Variants in PRRC2A observed in about 807,000 individuals in gnomAD.
PRRC2A encodes the protein proline rich coiled-coil 2A, also known as protein PRRC2A.
Under a neutral mutation model 224.6 loss-of-function variants are expected in PRRC2A, and 59 were observed. The observed-to-expected ratio is 0.26, with a 90% CI of 0.21 to 0.33. The LOEUF (loss-of-function observed/expected upper bound fraction) is 0.33. Ranked by LOEUF, PRRC2A falls within the 10% of genes least tolerant of loss-of-function variation. PRRC2A has a pLI of 1.00. For missense variants in PRRC2A, 3,095 were observed against 2,880.7 expected, an observed-to-expected ratio of 1.07 and a Z score of -1.70; for synonymous variants, 1,194 against 1,109.5, an observed-to-expected ratio of 1.08 and a Z score of -1.51.
At position 31,622,737 on chromosome 6, in the gene PRRC2A, G is replaced by A; in HGVS notation, c.-53G>A. ...CTGTCTGGCCCACAGGCTCTGGCAC[G>A]TTTTGGGGGAGGTGCCTGCAGGACC... is the stretch of plus-strand genomic sequence containing the variant. On this transcript the variant is annotated 5_prime_UTR_variant, in exon 2 of 31. Transcript: ENST00000376033. 5.0e-6 allele frequency: 7 copies of A among 1,408,934 alleles called. No homozygotes were observed. Among genetic ancestry groups the A allele is most frequent in the Admixed American group, 1.8e-5 (1 of 55,594 alleles). The allele number at this position is 1,408,934 out of a possible 1,614,324, so 87.3% of individuals were successfully genotyped here. A position where few individuals can be genotyped will look rare whatever the true frequency, so the allele number is the denominator to read the frequency against.
In PRRC2A at chr6:31,624,351, A is replaced by T; in HGVS notation, c.381A>T (p.Ala127=). ...CCAACCAGCCGAAACGACCCCCAGC[A>T]GCCCCCGAGGTACCTGGAGAACTGG... ...PASNQPKRPP[A]APENTPLVPS... Residue 127 remains alanine (A), a synonymous_variant, in exon 4 of 31, where the codon GCA becomes GCT. Coordinates refer to ENST00000376033, the MANE Select transcript of PRRC2A (RefSeq NM_004638.4). The T allele has an allele frequency of 6.2e-7, 1 of 1,613,994 alleles. No homozygotes were observed. The highest frequency in any genetic ancestry group is 1.1e-5 in the South Asian group (1 of 91,080).
intron 12 of PRRC2A, 132 bp downstream of exon 12, chr6:31,628,371 GTGTT>G: frequency 1.4e-6 from 2 of 1,389,436 alleles, no homozygotes; most frequent in Non-Finnish European, 1.9e-6. Context: ...ATCAGTGATA[GTGTT>G]CTATCATTTG....
chr6:31,629,932 G>C (rs1413283838), intron 14 of PRRC2A, 87 bp downstream of exon 14: 6 of 1,558,284 alleles, frequency 3.9e-6, no homozygotes, highest in Admixed American at 1.9e-5. Flanking sequence ...ACTCTGGTAC[G>C]ATAGGTTTTG....
rs1561821360 is a variant in PRRC2A, at chr6:31,631,593, GAAACCCCC to G, written c.2932_2939del (p.Pro978AlafsTer36). The G allele has an allele frequency of 6.4e-7, 1 of 1,558,006 alleles. No homozygotes were observed. The highest frequency in any genetic ancestry group is 8.6e-7 in the Non-Finnish European group (1 of 1,156,960). On this transcript the variant is annotated frameshift_variant, in exon 16 of 31. Transcript: ENST00000376033. LOFTEE classifies it high-confidence loss of function. The surrounding 1 kb of genome is among the most constrained non-coding windows in gnomAD (Gnocchi z 4.5). ...TCCCAAGCCCCTCGAACAGGGGGAT[GAAACCCCC>G]AAACCCCCAAAGCCAGACCCACTCA...
intron 14 of PRRC2A, 103 bp from the exon 15 acceptor site, chr6:31,630,488 C>A: frequency 8.5e-7 from 1 of 1,175,826 alleles, no homozygotes; most frequent in Non-Finnish European, 1.2e-6. Context: ...CTACTGGGAA[C>A]AAGAGATGGA....
rs1777445869 is a variant in PRRC2A at position 31,637,054 on chromosome 6, G to A, written c.6160G>A (p.Glu2054Lys). ...TTTTTCCCCTCAGCTGCATCCAGTG[G>A]AACTAAAGCCGTTCCAGGATTATCA... ...SLGRAELHPV[E>K]LKPFQDYQKL... Residue 2054 changes from glutamate (E) to lysine (K), a missense_variant, in exon 29 of 31, where the codon GAA becomes AAA. Coordinates refer to ENST00000376033, the MANE Select transcript of PRRC2A (RefSeq NM_004638.4). 2 of 1,605,756 alleles carry A rather than the reference G, an allele frequency of 1.2e-6. No homozygotes were observed. The highest frequency in any genetic ancestry group is 8.5e-7 in the Non-Finnish European group (1 of 1,176,374).
At chr6:31,630,039 A>G (rs1023463780) in intron 14 of PRRC2A, among the ~76,000 whole-genome samples, 194 bp downstream of exon 14, 1 of 152,212 alleles carries the variant, frequency 6.6e-6, no homozygotes, top group African/African-American at 2.4e-5. Context: ...GTGGTTGGCC[A>G]GGCATTGTGG....
At position 31,624,348 on chromosome 6, in the gene PRRC2A, A is replaced by G; in HGVS notation, c.378A>G (p.Pro126=). 1 of 1,613,944 alleles carries G rather than the reference A, an allele frequency of 6.2e-7. No individual in the cohort carries two copies. The highest frequency in any genetic ancestry group is 8.5e-7 in the Non-Finnish European group (1 of 1,179,912). Residue 126 remains proline, a synonymous_variant, in exon 4 of 31, where the codon CCA becomes CCG. Coordinates refer to ENST00000376033, the MANE Select transcript of PRRC2A (RefSeq NM_004638.4). ...CCTCCAACCAGCCGAAACGACCCCCAGCAGCCCCCGAGGTACCTGGAGAAC... is the reference window on the plus strand; with the variant it reads ...CCTCCAACCAGCCGAAACGACCCCCGGCAGCCCCCGAGGTACCTGGAGAAC... ...TPASNQPKRP[P]AAPENTPLVP...
At chr6:31,626,265 T>C in intron 9 of PRRC2A, 103 bp downstream of exon 9, 2 of 1,380,644 alleles carry the variant, frequency 1.4e-6, no homozygotes, top group Non-Finnish European at 9.9e-7. Flanking sequence ...CATTGAAGTG[T>C]AGGAAGACCA....
In PRRC2A at chr6:31,629,210, C is replaced by A; in HGVS notation, c.1832C>A (p.Pro611His). 1 of 1,614,140 alleles carries A rather than the reference C, an allele frequency of 6.2e-7. No homozygotes were observed. Among genetic ancestry groups the A allele is most frequent in the Non-Finnish European group, 8.5e-7 (1 of 1,180,020 alleles). The stretch of plus-strand genomic sequence containing the variant: ...GAAGAGGTTCCTCCTCCTACCACAC[C>A]CCCAGTTCCAAAGGTGGAACCCAAG... ...PPEEVPPPTT[P>H]PVPKVEPKGD... Residue 611 changes from proline to histidine, a missense_variant, in exon 13 of 31, where the codon CCC (proline) becomes CAC (histidine). Physicochemically the swap from Pro to His is moderately conservative, Grantham distance 77 (BLOSUM62 -2). Coordinates refer to ENST00000376033, the MANE Select transcript of PRRC2A (RefSeq NM_004638.4).
Position 31,625,103 on chromosome 6 carries a change from C to CG in PRRC2A, c.464-68_464-67insG. ...GTGAGCCACCGCGCCCAGCCAGAGT[C>CG]TTCCACTTTTATAGCATGTCCTCAG... On this transcript the variant is annotated intron_variant, in intron 5 of 30. Coordinates refer to ENST00000376033, the MANE Select transcript of PRRC2A (RefSeq NM_004638.4). The surrounding 1 kb of genome is among the most constrained non-coding windows in gnomAD (Gnocchi z 4.1). 2.6e-6 allele frequency: 4 copies of CG among 1,551,196 alleles called. No homozygotes were observed. Among genetic ancestry groups the CG allele is most frequent in the Non-Finnish European group, 3.5e-6 (4 of 1,139,292 alleles).
Position 31,636,299 on chromosome 6 carries a change from C to A in PRRC2A, c.5715C>A (p.Ser1905=), listed in dbSNP as rs943336099. The change falls in exon 26 of 31, where the codon TCC becomes TCA. Residue 1905 remains serine (S), a synonymous_variant. Coordinates refer to ENST00000376033, the MANE Select transcript of PRRC2A (RefSeq NM_004638.4). The surrounding 1 kb of genome is among the most constrained non-coding windows in gnomAD (Gnocchi z 4.3). ...LALKGQFLDF[S]TMQATELGKL... is the part of the protein sequence containing the mutation. ...TCAAGGGCCAGTTTCTGGATTTCTC[C>A]ACAATGCAAGCTACAGAGCTGGGGA... The A allele has an allele frequency of 6.2e-7, 1 of 1,613,054 alleles. No individual in the cohort carries two copies. The highest frequency in any genetic ancestry group is 8.5e-7 in the Non-Finnish European group (1 of 1,180,030).
chr6:31,625,133 T>C lies in PRRC2A; in HGVS notation c.464-38T>C, dbSNP rs1222490643. On this transcript the variant is annotated intron_variant, in intron 5 of 30. Transcript: ENST00000376033. The surrounding 1 kb of genome is among the most constrained non-coding windows in gnomAD (Gnocchi z 4.1). ...ACTTTTATAGCATGTCCTCAGGAAA[T>C]GTCTTCTGTCTCCTGTTCTGCATCC... The C allele has an allele frequency of 2.5e-6, 4 of 1,590,784 alleles. No individual in the cohort carries two copies. Among genetic ancestry groups the C allele is most frequent in the Non-Finnish European group, 3.4e-6 (4 of 1,164,434 alleles).
chr6:31,633,407 C>A lies in PRRC2A; in HGVS notation c.4348C>A (p.Leu1450Ile), dbSNP rs555501478. The change falls in exon 17 of 31, where the codon CTT (leucine) becomes ATT (isoleucine). Residue 1450 changes from leucine (L) to isoleucine (I), a missense_variant. By Grantham distance (5) the Leu-to-Ile change is conservative. This residue lies in a region of PRRC2A where 2,001 missense variants were observed against 1,764.9 expected (regional missense o/e 1.13). Transcript: ENST00000376033. ...TCCTCCAGAGGAGCGTCCCCCGGGG[C>A]TTCCCCTGCCTCCCCCACCTCCCAG... is the stretch of plus-strand genomic sequence containing the variant. ...SRPPEERPPGLPLPPPPPSSS... is the reference protein window; with the variant it reads ...SRPPEERPPGIPLPPPPPSSS... The A allele has an allele frequency of 6.2e-7, 1 of 1,612,998 alleles. No individual in the cohort carries two copies. The highest frequency in any genetic ancestry group is 2.2e-5 in the East Asian group (1 of 44,890).
intron 1 of PRRC2A, among the ~76,000 whole-genome samples, chr6:31,622,487 T>C (rs1373890732): frequency 1.3e-5 from 2 of 152,170 alleles, no homozygotes; most frequent in Non-Finnish European, 2.9e-5. Flanking sequence ...TGCTGGATTT[T>C]TACTTAGATT....
At position 31,636,277 on chromosome 6, in the gene PRRC2A, A is replaced by T; in HGVS notation, c.5693A>T (p.Lys1898Met). The change falls in exon 26 of 31, where the codon AAG (lysine) becomes ATG (methionine). Residue 1898 changes from lysine (K) to methionine (M), a missense_variant. Lys to Met is a moderately conservative substitution (Grantham distance 95, BLOSUM62 -1). Around this residue, in one of 8 missense-constraint regions of PRRC2A, gnomAD observed 662 missense variants for 609.5 expected, o/e 1.09. Transcript: ENST00000376033. The surrounding 1 kb of genome is among the most constrained non-coding windows in gnomAD (Gnocchi z 4.3). Reference protein sequence around the residue: ...PSALLSGLALKGQFLDFSTMQ... With the variant: ...PSALLSGLALMGQFLDFSTMQ... Reference sequence around the variant, plus strand: ...GCACTGCTCTCTGGGTTAGCTCTCAAGGGCCAGTTTCTGGATTTCTCCACA... The same window carrying T: ...GCACTGCTCTCTGGGTTAGCTCTCATGGGCCAGTTTCTGGATTTCTCCACA... 1 of 1,612,880 alleles carries T rather than the reference A, an allele frequency of 6.2e-7. No homozygotes were observed. Among genetic ancestry groups the T allele is most frequent in the Non-Finnish European group, 8.5e-7 (1 of 1,179,980 alleles).
intron 13 of PRRC2A, 73 bp from the exon 14 acceptor site, chr6:31,629,475 G>A (rs1376764110): frequency 7.0e-7 from 1 of 1,431,724 alleles, no homozygotes; most frequent in Non-Finnish European, 9.8e-7. Context: ...CCTAGTCCAA[G>A]TTTTTTCTTT....
chr6:31,621,176 C>T (rs1238045596), intron 1 of PRRC2A, among the ~76,000 whole-genome samples: 1 of 147,676 alleles, frequency 6.8e-6, no homozygotes, highest in African/African-American at 2.5e-5. Context: ...TTTTCACCCC[C>T]ATTTGTGGGC....
intron 16 of PRRC2A, 83 bp from the exon 17 acceptor site, chr6:31,633,296 T>C: frequency 6.5e-7 from 1 of 1,542,950 alleles, no homozygotes; most frequent in African/African-American, 1.4e-5. Flanking sequence ...GAGAATAGGT[T>C]GTAAGCAGAA....
Sources: allele counts gnomAD v4.1 joint callset (sites outside exome capture counted in the v4.1 genomes callset), GRCh38; gene constraint gnomAD v4.1.1; regional missense constraint gnomAD v4.1.1; non-coding constraint Gnocchi (gnomAD v3.1); transcripts MANE v1.5; gene names NCBI Gene and HGNC (gene_info 2026-07-23, HGNC 2026-07-21).